IMMP2L: variants seen among roughly 807,000 people sequenced by gnomAD.
IMMP2L encodes the protein mitochondrial inner membrane protease subunit 2.
Under a neutral mutation model 19.3 loss-of-function variants are expected in IMMP2L, and 18 were observed. That is an observed-to-expected ratio of 0.93 (90% CI 0.64 to 1.38). The LOEUF (loss-of-function observed/expected upper bound fraction) is 1.38, where lower values mean the gene tolerates loss of function less well. Among genes scored for constraint, IMMP2L ranks in the 40% most tolerant of loss-of-function variants. IMMP2L has a pLI of 0.00. For missense variants in IMMP2L, 233 were observed against 218.2 expected (o/e 1.07, Z -0.43); for synonymous variants, 76 against 73.0 (o/e 1.04, Z -0.21).
chr7:111,103,481 A>C (rs372790740), intron 3 of IMMP2L, among the ~76,000 whole-genome samples: 1 of 151,682 alleles, frequency 6.6e-6, no homozygotes, highest in Admixed American at 6.6e-5. Context: ...AGCGTGATAC[A>C]TTTTTAGAAT....
intron 3 of IMMP2L, among the ~76,000 whole-genome samples, chr7:111,225,411 T>C (rs761718573): frequency 4.6e-5 from 7 of 152,048 alleles, no homozygotes; most frequent in Non-Finnish European, 1.0e-4. Flanking sequence ...ATTTGGAAGA[T>C]ATATAACCCA....
At chr7:111,217,132 A>T (rs1639855567) in intron 3 of IMMP2L, among the ~76,000 whole-genome samples, 1 of 149,810 alleles carries the variant, frequency 6.7e-6, no homozygotes, top group African/African-American at 2.5e-5. Context: ...TCTCTCACAC[A>T]CACACACACA....
At chr7:111,064,710 G>T (rs1399545630) in intron 3 of IMMP2L, among the ~76,000 whole-genome samples, 1 of 152,076 alleles carries the variant, frequency 6.6e-6, no homozygotes, top group Non-Finnish European at 1.5e-5. Flanking sequence ...GGAAGTTAAG[G>T]TTGCCACCTG....
At position 110,878,231 on chromosome 7, in the gene IMMP2L, T is replaced by C. The variant is rs77027727; in HGVS notation, c.408+8362A>G. Among the ~76,000 whole-genome samples, 421 of 152,286 alleles carry C rather than the reference T, an allele frequency of 2.8e-3. 6 individuals carry two copies. Among genetic ancestry groups the C allele is most frequent in the African/African-American group, 9.8e-3 (407 of 41,566 alleles). On this transcript the variant is annotated intron_variant, in intron 5 of 5. Coordinates refer to ENST00000405709, the MANE Select transcript of IMMP2L (RefSeq NM_032549.4). ...TGGTGACAGAGGAAACATTTGTGAC[T>C]ACTTAAATTTACATGTATGTAGTTG...
intron 5 of IMMP2L, among the ~76,000 whole-genome samples, chr7:110,686,890 G>C (rs970250538): frequency 6.6e-6 from 1 of 151,906 alleles, no homozygotes; most frequent in Non-Finnish European, 1.5e-5. Context: ...TCATTCCCAC[G>C]ATTAACACAC....
chr7:111,502,772 C>T (rs1205171629), intron 2 of IMMP2L, among the ~76,000 whole-genome samples: 12 of 150,712 alleles, frequency 8.0e-5, no homozygotes, highest in African/African-American at 2.2e-4. Flanking sequence ...TTGAAACCAA[C>T]GAGAACAAAG....
chr7:111,551,827 G>T (rs993984681), intron 1 of IMMP2L, among the ~76,000 whole-genome samples: 15 of 152,042 alleles, frequency 9.9e-5, no homozygotes, highest in African/African-American at 3.4e-4. Context: ...TAGGTTAAAG[G>T]TGATAAAAGA....
chr7:111,545,443 T>G (rs939017547), intron 1 of IMMP2L, among the ~76,000 whole-genome samples: 6 of 152,138 alleles, frequency 3.9e-5, no homozygotes, highest in Non-Finnish European at 8.8e-5. Flanking sequence ...CCAGCTGGAG[T>G]GCAGCGGCGC....
At chr7:110,732,019 G>A (rs1298212420) in intron 5 of IMMP2L, among the ~76,000 whole-genome samples, 1 of 152,152 alleles carries the variant, frequency 6.6e-6, no homozygotes, top group African/African-American at 2.4e-5. Flanking sequence ...GCATACAAGA[G>A]GGATTTTTCA....
chr7:111,488,754 CT>C (rs1203912173), intron 2 of IMMP2L, among the ~76,000 whole-genome samples: 1 of 152,094 alleles, frequency 6.6e-6, no homozygotes, highest in African/African-American at 2.4e-5. Flanking sequence ...GGTTGATCGA[CT>C]TTAGTTATTT....
At chr7:110,696,306 T>C (rs1372174370) in intron 5 of IMMP2L, among the ~76,000 whole-genome samples, 1 of 152,092 alleles carries the variant, frequency 6.6e-6, no homozygotes, top group East Asian at 1.9e-4. Flanking sequence ...TTGGGAAAAT[T>C]ATTCTGGCAG....
chr7:110,674,952 C>T (rs1478350075), intron 5 of IMMP2L, among the ~76,000 whole-genome samples: 3 of 152,202 alleles, frequency 2.0e-5, no homozygotes, highest in African/African-American at 2.4e-5. Context: ...GACTCTTCCA[C>T]GGAGTCCCTC....
At chr7:110,740,330 G>A (rs1410646460) in intron 5 of IMMP2L, among the ~76,000 whole-genome samples, 1 of 152,134 alleles carries the variant, frequency 6.6e-6, no homozygotes, top group Non-Finnish European at 1.5e-5. Flanking sequence ...CCATTAGCGA[G>A]ATTAACCAAG....
chr7:111,370,248 C>T (rs1830143578), intron 3 of IMMP2L, among the ~76,000 whole-genome samples: 1 of 151,954 alleles, frequency 6.6e-6, no homozygotes, highest in African/African-American at 2.4e-5. Flanking sequence ...GCCCCAATTT[C>T]AATGGAGAGA....
rs992430135 is a variant in IMMP2L, at chr7:111,434,019, G to A, written c.239+53219C>T. Among the ~76,000 whole-genome samples the A allele has an allele frequency of 2.0e-5, 3 of 151,610 alleles. 1 individual carries two copies. The highest frequency in any genetic ancestry group is 6.6e-5 in the Admixed American group (1 of 15,250). On this transcript the variant is annotated intron_variant, in intron 3 of 5. Coordinates refer to ENST00000405709, the MANE Select transcript of IMMP2L (RefSeq NM_032549.4). ...CTAAGCAGAAAGAACAATGTTGGAG[G>A]CATCACATTACCTGACTTTAAATTA...
At chr7:110,973,226 C>G (rs974067625) in intron 3 of IMMP2L, among the ~76,000 whole-genome samples, 1 of 152,040 alleles carries the variant, frequency 6.6e-6, no homozygotes, top group Non-Finnish European at 1.5e-5. Flanking sequence ...GCTATGTTAG[C>G]TAGAGTTAAT....
intron 3 of IMMP2L, among the ~76,000 whole-genome samples, chr7:111,166,426 T>A (rs1157419944): frequency 6.6e-6 from 1 of 152,030 alleles, no homozygotes; most frequent in Non-Finnish European, 1.5e-5. Context: ...TCCTTTTAAA[T>A]AATGTCTTAA....
chr7:111,083,959 G>T (rs1796094782), intron 3 of IMMP2L, among the ~76,000 whole-genome samples: 1 of 152,098 alleles, frequency 6.6e-6, no homozygotes, highest in African/African-American at 2.4e-5. Context: ...TTGCTGTCAA[G>T]AAATAATTGA....
chr7:110,730,980 A>T (rs1796239847), intron 5 of IMMP2L, among the ~76,000 whole-genome samples: 1 of 152,232 alleles, frequency 6.6e-6, no homozygotes, highest in South Asian at 2.1e-4. Context: ...ATATGAGTAT[A>T]TACAAAACTA....
Sources: allele counts gnomAD v4.1 joint callset (sites outside exome capture counted in the v4.1 genomes callset), GRCh38; gene constraint gnomAD v4.1.1; transcripts MANE v1.5; gene names NCBI Gene and HGNC (gene_info 2026-07-23, HGNC 2026-07-21).